Variants in NKAIN3 observed in about 807,000 individuals in gnomAD.
The protein encoded by NKAIN3 is sodium/potassium transporting ATPase interacting 3.
A neutral mutation model predicts 30.2 loss-of-function variants in NKAIN3; 25 were observed. That is an observed-to-expected ratio of 0.83 (90% CI 0.60 to 1.16). NKAIN3 has a LOEUF of 1.16. NKAIN3 is among the 50% of genes most tolerant of loss of function. The pLI is 0.00. For synonymous variants in NKAIN3, 91 were observed against 89.6 expected, an observed-to-expected ratio of 1.02 and a Z score of -0.09; for missense variants, 225 against 254.1, an observed-to-expected ratio of 0.89 and a Z score of 0.78.
intron 1 of NKAIN3, among the ~76,000 whole-genome samples, chr8:62,321,668 C>T (rs1814916930): frequency 6.6e-6 from 1 of 152,210 alleles, no homozygotes; most frequent in Non-Finnish European, 1.5e-5. Flanking sequence ...GCAAATGTTG[C>T]TGCCTGATTG....
chr8:62,775,876 G>A (rs1401201966), intron 4 of NKAIN3, among the ~76,000 whole-genome samples: 2 of 152,064 alleles, frequency 1.3e-5, no homozygotes, highest in African/African-American at 4.8e-5. Context: ...TCTGTCCAAT[G>A]CTGAAAGTGG....
intron 1 of NKAIN3, among the ~76,000 whole-genome samples, chr8:62,296,685 C>A (rs1213707401): frequency 6.6e-6 from 1 of 152,152 alleles, no homozygotes; most frequent in East Asian, 1.9e-4. Flanking sequence ...TTTAGCAGAT[C>A]TGTATTGAGA....
intron 4 of NKAIN3, among the ~76,000 whole-genome samples, chr8:62,845,324 G>C (rs1306498513): frequency 2.0e-5 from 1 of 49,220 alleles, no homozygotes; most frequent in African/African-American, 5.9e-5. Context: ...GTACCTAATA[G>C]AGTTGGCTCC....
chr8:62,663,254 A>G (rs1262758931), intron 3 of NKAIN3, among the ~76,000 whole-genome samples: 1 of 152,218 alleles, frequency 6.6e-6, no homozygotes. Flanking sequence ...TGAGAAGGAG[A>G]GTGGCATGAT....
chr8:62,349,619 C>T (rs1816120137), intron 1 of NKAIN3, among the ~76,000 whole-genome samples: 1 of 152,116 alleles, frequency 6.6e-6, no homozygotes, highest in Non-Finnish European at 1.5e-5. Flanking sequence ...TGGTACAGGC[C>T]TGGGTCCCAG....
At chr8:62,750,331 T>C (rs1364229873) in intron 4 of NKAIN3, among the ~76,000 whole-genome samples, 2 of 152,000 alleles carry the variant, frequency 1.3e-5, no homozygotes, top group Non-Finnish European at 2.9e-5. Context: ...ATCTCCTCCA[T>C]GAATACAGCC....
At position 62,807,161 on chromosome 8, in the gene NKAIN3, T is replaced by C. The variant is rs994471570; in HGVS notation, c.471+60032T>C. On this transcript the variant is annotated intron_variant, in intron 4 of 6. Coordinates refer to ENST00000623646, the MANE Select transcript of NKAIN3 (RefSeq NM_001304533.3). ...ATTTAGAATTTATGGATATTTGTTATAATGTATTTCAAGCGAATAGAAAAT... is the reference window on the plus strand; with the variant it reads ...ATTTAGAATTTATGGATATTTGTTACAATGTATTTCAAGCGAATAGAAAAT... Among the ~76,000 whole-genome samples the C allele has an allele frequency of 2.6e-5, 4 of 152,232 alleles. No homozygotes were observed. The East Asian group carries it at 7.7e-4, about 29-fold the overall frequency.
chr8:62,629,098 G>T (rs557585836), intron 3 of NKAIN3, among the ~76,000 whole-genome samples: 17 of 152,182 alleles, frequency 1.1e-4, no homozygotes, highest in Admixed American at 3.3e-4. Context: ...TAGCCCCAGG[G>T]GTTGGCAGTA....
At chr8:62,692,939 AT>A (rs1274604847) in intron 3 of NKAIN3, among the ~76,000 whole-genome samples, 1 of 152,032 alleles carries the variant, frequency 6.6e-6, no homozygotes, top group Non-Finnish European at 1.5e-5. Flanking sequence ...CAATCTCCTT[AT>A]TTTGCCTTCT....
At chr8:62,921,886 G>A (rs979366145) in intron 5 of NKAIN3, among the ~76,000 whole-genome samples, 1 of 152,132 alleles carries the variant, frequency 6.6e-6, no homozygotes, top group Non-Finnish European at 1.5e-5. Context: ...AGAGAAGTGT[G>A]GAGATAAGGT....
chr8:62,873,441 T>G (rs1439522028), intron 4 of NKAIN3, among the ~76,000 whole-genome samples: 1 of 148,862 alleles, frequency 6.7e-6, no homozygotes, highest in African/African-American at 2.5e-5. Context: ...AGACAGAAAA[T>G]TAACAAAGAC....
At chr8:62,762,394 T>C (rs892548573) in intron 4 of NKAIN3, among the ~76,000 whole-genome samples, 1 of 151,740 alleles carries the variant, frequency 6.6e-6, no homozygotes, top group Admixed American at 6.6e-5. Flanking sequence ...GGGCTAAGAA[T>C]ATTCCAAGGG....
At chr8:62,776,329 T>C (rs1159453038) in intron 4 of NKAIN3, among the ~76,000 whole-genome samples, 1 of 152,096 alleles carries the variant, frequency 6.6e-6, no homozygotes, top group African/African-American at 2.4e-5. Context: ...TTAATTTATT[T>C]TCTGAGGGTT....
At chr8:62,367,546 A>T (rs887545029) in intron 1 of NKAIN3, among the ~76,000 whole-genome samples, 1 of 152,178 alleles carries the variant, frequency 6.6e-6, no homozygotes, top group African/African-American at 2.4e-5. Context: ...ACTCTCAACA[A>T]ATTAGATATG....
chr8:62,894,274 T>A (rs1357974020), intron 4 of NKAIN3, among the ~76,000 whole-genome samples: 3 of 152,162 alleles, frequency 2.0e-5, no homozygotes, highest in Non-Finnish European at 4.4e-5. Context: ...AAATATCTGA[T>A]GAAACTCATA....
At chr8:62,289,551 G>A (rs1563920578) in intron 1 of NKAIN3, among the ~76,000 whole-genome samples, 1 of 152,178 alleles carries the variant, frequency 6.6e-6, no homozygotes, top group Non-Finnish European at 1.5e-5. Flanking sequence ...TCAAATGGGT[G>A]CAGATGTGTG....
intron 1 of NKAIN3, among the ~76,000 whole-genome samples, chr8:62,283,836 T>A (rs1230532512): frequency 6.6e-6 from 1 of 152,128 alleles, no homozygotes; most frequent in African/African-American, 2.4e-5. Flanking sequence ...AAATTTTGTA[T>A]CTTGTATACT....
chr8:62,571,060 G>A (rs1175106735), intron 1 of NKAIN3, among the ~76,000 whole-genome samples: 1 of 151,814 alleles, frequency 6.6e-6, no homozygotes, highest in Non-Finnish European at 1.5e-5. Context: ...TGATGTAAAA[G>A]CTCTAAATAT....
chr8:62,450,014 C>CATTAGTT (rs1805595143), intron 1 of NKAIN3, among the ~76,000 whole-genome samples: 1 of 152,028 alleles, frequency 6.6e-6, no homozygotes, highest in Non-Finnish European at 1.5e-5. Flanking sequence ...TTAGTTTAAA[C>CATTAGTT]AAAAATATTT....
Sources: allele counts gnomAD v4.1 joint callset (sites outside exome capture counted in the v4.1 genomes callset), GRCh38; gene constraint gnomAD v4.1.1; transcripts MANE v1.5; gene names NCBI Gene and HGNC (gene_info 2026-07-23, HGNC 2026-07-21).